The following TMPRSS2 variants were observed in gnomAD, a reference collection of about 807,000 sequenced individuals.
The protein encoded by TMPRSS2 is transmembrane protease serine 2.
TMPRSS2 carries 59 observed loss-of-function variants against 67.4 expected under a neutral mutation model. The ratio of observed to expected loss-of-function variants is 0.88; its 90% CI spans 0.71 to 1.09. The LOEUF is 1.09. TMPRSS2 is among the 50% of genes least tolerant of loss of function. The pLI is 0.00. For missense variants in TMPRSS2, 668 were observed against 642.7 expected, an observed-to-expected ratio of 1.04 and a Z score of -0.43; for synonymous variants, 257 against 257.0, an observed-to-expected ratio of 1.00 and a Z score of 0.00.
chr21:41,467,928 A>G (rs1200406047), intron 12 of TMPRSS2, 42 bp from the exon 13 acceptor site: 2 of 1,612,330 alleles, frequency 1.2e-6, no homozygotes, highest in Non-Finnish European at 8.5e-7. Context: ...AAATCAAGTC[A>G]CAATCTGCCG....
chr21:41,498,145 C>T lies in TMPRSS2; in HGVS notation c.-12G>A. 1 of 1,612,606 alleles carries T rather than the reference C, an allele frequency of 6.2e-7. No homozygotes were observed. On this transcript the variant is annotated 5_prime_UTR_variant, in exon 2 of 14. Coordinates refer to ENST00000332149, the MANE Select transcript of TMPRSS2 (RefSeq NM_005656.4). ...GAGTTCAAAGCCATCTTGCTGTTAT[C>T]AACAGCATCGAGTAATGATAGGTAT...
At chr21:41,468,616 C>T in intron 11 of TMPRSS2, 78 bp from the exon 12 acceptor site, 9 of 1,524,396 alleles carry the variant, frequency 5.9e-6, no homozygotes, top group East Asian at 4.5e-5. Flanking sequence ...CTCCCTGAGA[C>T]CTCCACACGC....
intron 2 of TMPRSS2, chr21:41,494,849 T>C: frequency 2.3e-6 from 1 of 441,548 alleles, no homozygotes; most frequent in Non-Finnish European, 4.2e-6. Flanking sequence ...GGCGGGCGGA[T>C]CATGAGGTCA....
At chr21:41,503,078 G>A (rs1008454879) in intron 1 of TMPRSS2, among the ~76,000 whole-genome samples, 4 of 152,130 alleles carry the variant, frequency 2.6e-5, no homozygotes, top group African/African-American at 4.8e-5. Context: ...AACAACAGAC[G>A]ATCGGAAATG....
rs2091321003 is a variant in TMPRSS2, at chr21:41,489,545, A to T, written c.287T>A (p.Val96Glu). Residue 96 changes from valine (V) to glutamate (E), a missense_variant, in exon 4 of 14, where the codon GTG becomes GAG. By Grantham distance (121) the Val-to-Glu change is moderately radical. Transcript: ENST00000332149. ...CITLTLGTFL[V>E]GAALAAGLLW... ...TAGGCCAGCGGCCAGCGCAGCTCCC[A>T]CGAGGAAGGTCCCCAGGGTCAAGGT... 3 of 1,614,014 alleles carry T rather than the reference A, an allele frequency of 1.9e-6. No individual in the cohort carries two copies. Among genetic ancestry groups the T allele is most frequent in the Non-Finnish European group, 2.5e-6 (3 of 1,180,014 alleles).
intron 5 of TMPRSS2, 34 bp from the exon 6 acceptor site, chr21:41,480,636 TTC>T (rs1221582198): frequency 1.2e-6 from 2 of 1,605,124 alleles, no homozygotes; most frequent in Non-Finnish European, 1.7e-6. Context: ...ATGAGTTTCT[TTC>T]TTTTTTTTTC....
At chr21:41,477,939 C>T (rs1310831290) in intron 7 of TMPRSS2, among the ~76,000 whole-genome samples, 2 of 152,156 alleles carry the variant, frequency 1.3e-5, no homozygotes, top group African/African-American at 2.4e-5. Flanking sequence ...TCTCTTCTTT[C>T]TTCCAAGCCC....
chr21:41,479,356 C>CA, intron 6 of TMPRSS2, 74 bp from the exon 7 acceptor site: 2 of 1,099,822 alleles, frequency 1.8e-6, no homozygotes, highest in Non-Finnish European at 2.7e-6. Context: ...TGTCATAATA[C>CA]CGCTCATACG....
rs140532244 is a variant in TMPRSS2, at chr21:41,464,987, T to C, written c.*1155A>G. 31 of 233,302 alleles carry C rather than the reference T, an allele frequency of 1.3e-4. No individual in the cohort carries two copies. Among genetic ancestry groups the C allele is most frequent in the African/African-American group, 4.6e-4 (21 of 45,466 alleles). 14.5% of individuals were successfully genotyped at this position (233,302 alleles called of 1,614,324 possible). The stretch of plus-strand genomic sequence containing the variant: ...TTCCCCTGGTTGGAAACCCACAGCA[T>C]TGGAAGGGACCACAGAGAGTCCAAA... On this transcript the variant is annotated 3_prime_UTR_variant, in exon 14 of 14. Coordinates refer to ENST00000332149, the MANE Select transcript of TMPRSS2 (RefSeq NM_005656.4).
chr21:41,477,681 C>A (rs1386756482), intron 7 of TMPRSS2, among the ~76,000 whole-genome samples: 1 of 152,116 alleles, frequency 6.6e-6, no homozygotes, highest in African/African-American at 2.4e-5. Context: ...GGCTCTGGGG[C>A]ACTGACACGG....
intron 1 of TMPRSS2, among the ~76,000 whole-genome samples, chr21:41,499,796 T>C (rs981882854): frequency 1.1e-4 from 16 of 152,208 alleles, no homozygotes; most frequent in African/African-American, 3.1e-4. Flanking sequence ...ACAAGTCTCA[T>C]TGGACGATTT....
chr21:41,490,393 C>A (rs1448609169), intron 3 of TMPRSS2, among the ~76,000 whole-genome samples: 2 of 152,122 alleles, frequency 1.3e-5, no homozygotes, highest in Non-Finnish European at 2.9e-5. Context: ...CTACATGTGG[C>A]TATTTAATTA....
At chr21:41,500,018 C>T (rs907325186) in intron 1 of TMPRSS2, among the ~76,000 whole-genome samples, 2 of 152,184 alleles carry the variant, frequency 1.3e-5, no homozygotes, top group Admixed American at 1.3e-4. Context: ...GACATGGCCA[C>T]AGAAGAATAT....
At chr21:41,484,877 C>A (rs1416742578) in intron 5 of TMPRSS2, among the ~76,000 whole-genome samples, 1 of 152,098 alleles carries the variant, frequency 6.6e-6, no homozygotes, top group African/African-American at 2.4e-5. Context: ...ACAGGGGGCT[C>A]ATTTCCCTAA....
intron 1 of TMPRSS2, among the ~76,000 whole-genome samples, chr21:41,500,179 T>C (rs955011603): frequency 1.3e-5 from 2 of 152,262 alleles, no homozygotes; most frequent in Non-Finnish European, 2.9e-5. Context: ...TTGAAGGTTC[T>C]GTGCCTCAGT....
At chr21:41,470,624 C>T (rs768521672) in intron 11 of TMPRSS2, 24 bp downstream of exon 11, 1 of 1,609,124 alleles carries the variant, frequency 6.2e-7, no homozygotes, top group Non-Finnish European at 8.5e-7. Flanking sequence ...CCCTGCAGTC[C>T]TGTGTGCCCA....
intron 11 of TMPRSS2, among the ~76,000 whole-genome samples, chr21:41,470,067 G>A (rs537989379): frequency 2.6e-5 from 4 of 152,270 alleles, no homozygotes; most frequent in African/African-American, 9.6e-5. Context: ...AGACGCTTTT[G>A]AGAAGGATAT....
chr21:41,473,312 G>A lies in TMPRSS2; in HGVS notation c.899+13C>T, dbSNP rs781723682. The A allele has an allele frequency of 3.7e-5, 58 of 1,577,416 alleles. 1 individual carries two copies. In the East Asian group the frequency reaches 5.1e-4, roughly 14 times the overall value. On this transcript the variant is annotated intron_variant, in intron 9 of 13. Transcript: ENST00000332149. ...CCTGAGCCCCCACCCGGCCCGCGCC[G>A]CCCCTGGCATACTTTTCCACGCAGT...
At position 41,466,011 on chromosome 21, in the gene TMPRSS2, C is replaced by T. The variant is rs1028104694; in HGVS notation, c.*131G>A. Reference sequence around the variant, plus strand: ...ACAGAATGGCAGAGAGTGCCAAAGCCAGACAAGTTCACTGTTTAATAAAAA... The same window carrying T: ...ACAGAATGGCAGAGAGTGCCAAAGCTAGACAAGTTCACTGTTTAATAAAAA... On this transcript the variant is annotated 3_prime_UTR_variant, in exon 14 of 14. Transcript: ENST00000332149. 74 of 1,175,952 alleles carry T rather than the reference C, an allele frequency of 6.3e-5. No homozygotes were observed. The African/African-American group carries it at 9.7e-4, about 15-fold the overall frequency. 72.8% of individuals were successfully genotyped at this position (1,175,952 alleles called of 1,614,324 possible).
Sources: gnomAD v4.1 joint callset for allele counts (sites outside exome capture counted in the v4.1 genomes callset) on GRCh38, gnomAD v4.1.1 for gene constraint, MANE v1.5 for transcripts, NCBI Gene and HGNC (gene_info 2026-07-23, HGNC 2026-07-21) for gene names.